The following KLHL13 variants were observed in gnomAD, a reference collection of about 807,000 sequenced individuals.
KLHL13 encodes the protein kelch-like protein 13.
Under a neutral mutation model 37.1 loss-of-function variants are expected in KLHL13, and 10 were observed. That is an observed-to-expected ratio of 0.27 (90% CI 0.17 to 0.46). The LOEUF (loss-of-function observed/expected upper bound fraction) is 0.46. KLHL13 is among the 20% of genes least tolerant of loss of function. The pLI, the probability that KLHL13 is intolerant of heterozygous loss-of-function variation, is 1.00. For synonymous variants in KLHL13, 163 were observed against 181.2 expected, an observed-to-expected ratio of 0.90 and a Z score of 0.81; for missense variants, 360 against 509.3, an observed-to-expected ratio of 0.71 and a Z score of 2.82.
At chrX:117,958,838 T>C (rs1050448468) in intron 1 of KLHL13, among the ~76,000 whole-genome samples, 1 of 111,629 alleles carries the variant, frequency 9.0e-6, no homozygotes, top group Non-Finnish European at 1.9e-5. Flanking sequence ...AACAAAACGA[T>C]TGCCAACTTT....
At chrX:117,965,531 G>T (rs986263322) in intron 1 of KLHL13, among the ~76,000 whole-genome samples, 1 of 111,401 alleles carries the variant, frequency 9.0e-6, no homozygotes, top group African/African-American at 3.3e-5. Flanking sequence ...AAACAAAGAG[G>T]GAATCCTCCC....
intron 1 of KLHL13, among the ~76,000 whole-genome samples, chrX:118,006,192 T>C (rs2053979670): frequency 8.9e-6 from 1 of 111,879 alleles, no homozygotes; most frequent in African/African-American, 3.3e-5. Context: ...AGAGGGAAAG[T>C]ATTTTACATA....
chrX:117,949,905 C>G (rs776659524), intron 1 of KLHL13, among the ~76,000 whole-genome samples: 10 of 111,720 alleles, frequency 9.0e-5, no homozygotes, highest in Non-Finnish European at 1.7e-4. Flanking sequence ...ACATTAATGT[C>G]TAGCTCACAT....
intron 1 of KLHL13, among the ~76,000 whole-genome samples, chrX:118,027,439 C>A (rs776216852): frequency 9.0e-5 from 10 of 111,314 alleles, no homozygotes; most frequent in African/African-American, 3.3e-4. Flanking sequence ...ACGCTCAGTT[C>A]TTTAAATGGC....
At chrX:117,903,179 CGAGAGAGAGA>C (rs56692141) in intron 5 of KLHL13, among the ~76,000 whole-genome samples, 1 of 92,304 alleles carries the variant, frequency 1.1e-5, no homozygotes, top group Non-Finnish European at 2.2e-5. Flanking sequence ...GAGAGGAGAG[CGAGAGAGAGA>C]GAGAGAGAGA....
chrX:118,048,959 TTAAG>T (rs1206631349), intron 1 of KLHL13, among the ~76,000 whole-genome samples: 23 of 112,149 alleles, frequency 2.1e-4, no homozygotes, highest in African/African-American at 7.4e-4. Flanking sequence ...TCATAAGTAT[TTAAG>T]TAATTCACAA....
At chrX:117,923,272 C>T (rs980419449) in intron 2 of KLHL13, among the ~76,000 whole-genome samples, 1 of 111,694 alleles carries the variant, frequency 9.0e-6, no homozygotes, top group South Asian at 3.7e-4. Context: ...TTTTGAATAG[C>T]TAATGGCAAG....
chrX:117,949,008 A>G (rs914762787), intron 1 of KLHL13, among the ~76,000 whole-genome samples: 7 of 112,129 alleles, frequency 6.2e-5, no homozygotes, highest in Non-Finnish European at 1.1e-4. Flanking sequence ...GGCTGCCAAC[A>G]TTGTAATCTT....
At chrX:118,016,934 T>C (rs749200544) in intron 1 of KLHL13, among the ~76,000 whole-genome samples, 2 of 111,919 alleles carry the variant, frequency 1.8e-5, no homozygotes, top group South Asian at 3.7e-4. Context: ...TCCCTAAGTA[T>C]TTCACAAATG....
At chrX:118,042,298 C>T (rs2054513953) in intron 1 of KLHL13, among the ~76,000 whole-genome samples, 1 of 111,252 alleles carries the variant, frequency 9.0e-6, no homozygotes, top group African/African-American at 3.3e-5. Context: ...GACACATCAC[C>T]CAGACTGAAA....
At chrX:118,018,781 T>G (rs2054159108) in intron 1 of KLHL13, among the ~76,000 whole-genome samples, 1 of 111,585 alleles carries the variant, frequency 9.0e-6, no homozygotes, top group Non-Finnish European at 1.9e-5. Context: ...ATCTTCTAAA[T>G]GGCGATTTCT....
At chrX:117,935,043 G>A (rs1932705214) in intron 2 of KLHL13, among the ~76,000 whole-genome samples, 1 of 112,215 alleles carries the variant, frequency 8.9e-6, no homozygotes, top group Non-Finnish European at 1.9e-5. Context: ...ATAAAATGGT[G>A]CAGATACTTT....
chrX:118,024,955 C>T (rs886202046), intron 1 of KLHL13, among the ~76,000 whole-genome samples: 2 of 111,879 alleles, frequency 1.8e-5, no homozygotes, highest in African/African-American at 6.5e-5. Flanking sequence ...TGCATTATAG[C>T]CAAATGTGGA....
intron 1 of KLHL13, among the ~76,000 whole-genome samples, chrX:118,040,220 C>T (rs773075895): frequency 1.4e-4 from 16 of 111,646 alleles, no homozygotes; most frequent in South Asian, 7.6e-4. Flanking sequence ...AATCTACAAA[C>T]GTTGAGACCA....
At chrX:117,917,833 G>T (rs1178579983) in intron 4 of KLHL13, among the ~76,000 whole-genome samples, 2 of 111,815 alleles carry the variant, frequency 1.8e-5, no homozygotes, top group Non-Finnish European at 3.8e-5. Flanking sequence ...GGCTCAGGAT[G>T]ACCATGTGTT....
At chrX:118,054,222 T>C (rs1357923764) in intron 1 of KLHL13, among the ~76,000 whole-genome samples, 1 of 111,261 alleles carries the variant, frequency 9.0e-6, no homozygotes. Context: ...TTGCCCTCCA[T>C]GTTCCAAAGG....
chrX:118,004,340 TG>T (rs781199509), intron 1 of KLHL13, among the ~76,000 whole-genome samples: 2 of 112,034 alleles, frequency 1.8e-5, no homozygotes, highest in South Asian at 7.4e-4. Flanking sequence ...ACAGCAATAC[TG>T]GAATAGCAAT....
intron 1 of KLHL13, among the ~76,000 whole-genome samples, chrX:118,021,990 T>C (rs368812622): frequency 8.9e-6 from 1 of 112,060 alleles, no homozygotes; most frequent in Non-Finnish European, 1.9e-5. Flanking sequence ...TGGCCAGTGA[T>C]GATGAGCATT....
intron 1 of KLHL13, among the ~76,000 whole-genome samples, chrX:117,953,040 C>G (rs1222231657): frequency 9.0e-6 from 1 of 111,199 alleles, no homozygotes; most frequent in Admixed American, 9.6e-5. Flanking sequence ...TTTGACCCAG[C>G]CATCCCATTA....
Sources: allele counts gnomAD v4.1 joint callset (sites outside exome capture counted in the v4.1 genomes callset), GRCh38; gene constraint gnomAD v4.1.1; transcripts MANE v1.5; gene names NCBI Gene and HGNC (gene_info 2026-07-23, HGNC 2026-07-21).